TRAM2: variants seen among roughly 807,000 people sequenced by gnomAD.
TRAM2 encodes translocating chain-associated membrane protein 2.
A neutral mutation model predicts 51.0 loss-of-function variants in TRAM2; 12 were observed. The ratio of observed to expected loss-of-function variants is 0.24; its 90% CI spans 0.15 to 0.38. TRAM2 has a LOEUF of 0.38. TRAM2 is among the 10% of genes least tolerant of loss of function. The pLI, the probability that TRAM2 is intolerant of heterozygous loss-of-function variation, is 1.00. For synonymous variants in TRAM2, 175 were observed against 179.4 expected (o/e 0.98, Z 0.20); for missense variants, 361 against 462.0 (o/e 0.78, Z 2.00).
At chr6:52,524,144 G>A (rs916856791) in intron 2 of TRAM2, 5 of 152,224 alleles carry the variant, frequency 3.3e-5, no homozygotes, top group African/African-American at 1.2e-4. Context: ...GGTGCTGACT[G>A]GAAGGGGCAG....
At chr6:52,547,790 C>G (rs905596697) in intron 1 of TRAM2, among the ~76,000 whole-genome samples, 1 of 152,226 alleles carries the variant, frequency 6.6e-6, no homozygotes, top group African/African-American at 2.4e-5. Flanking sequence ...GCCTGTCAGC[C>G]TTTATTGCGT....
At chr6:52,523,705 G>A (rs1581876585) in intron 2 of TRAM2, 1 of 152,350 alleles carries the variant, frequency 6.6e-6, no homozygotes, top group South Asian at 2.1e-4. Flanking sequence ...TCTACTTCTG[G>A]AAATTTATCC....
chr6:52,523,620 G>A (rs920567538), intron 2 of TRAM2: 9 of 152,156 alleles, frequency 5.9e-5, no homozygotes, highest in South Asian at 2.1e-4. Flanking sequence ...AATGTAAAAC[G>A]GTACCACCTC....
chr6:52,561,776 A>T (rs1767506309), intron 1 of TRAM2, among the ~76,000 whole-genome samples: 1 of 151,788 alleles, frequency 6.6e-6, no homozygotes, highest in African/African-American at 2.4e-5. Flanking sequence ...GGCGTGTGCC[A>T]CCACGCCTGG....
intron 10 of TRAM2, among the ~76,000 whole-genome samples, chr6:52,503,960 C>T (rs9474233): frequency 0.021 from 3,173 of 152,246 alleles, 104 homozygotes; most frequent in African/African-American, 0.071. Flanking sequence ...CAGGTGGCCA[C>T]CTAGAGAAAA....
At chr6:52,542,597 A>T (rs532279963) in intron 1 of TRAM2, among the ~76,000 whole-genome samples, 4 of 152,214 alleles carry the variant, frequency 2.6e-5, no homozygotes, top group Non-Finnish European at 5.9e-5. Context: ...CTGCCTTGAT[A>T]CAAAAATCAG....
rs537354768 is a variant in TRAM2 at position 52,497,463 on chromosome 6, T to C, written c.*5734A>G. 6.5e-6 allele frequency: 1 copy of C among 152,756 alleles called. No homozygotes were observed. Among genetic ancestry groups the C allele is most frequent in the Admixed American group, 6.5e-5 (1 of 15,300 alleles). 9.5% of individuals were successfully genotyped at this position (152,756 alleles called of 1,614,324 possible). A position where few individuals can be genotyped will look rare whatever the true frequency, so the allele number is the denominator to read the frequency against. On this transcript the variant is annotated 3_prime_UTR_variant, in exon 11 of 11. Coordinates refer to ENST00000182527, the MANE Select transcript of TRAM2 (RefSeq NM_012288.4). Reference sequence around the variant, plus strand: ...AAATATTTGATCATTTGTTCCAAAATGTACATTTAAAAAATCCATACAAAA... The same window carrying C: ...AAATATTTGATCATTTGTTCCAAAACGTACATTTAAAAAATCCATACAAAA...
intron 2 of TRAM2, among the ~76,000 whole-genome samples, chr6:52,521,641 G>A (rs1225263328): frequency 1.3e-5 from 2 of 151,790 alleles, no homozygotes; most frequent in Non-Finnish European, 1.5e-5. Context: ...AGCTTGCAGT[G>A]AGCCGAGATT....
rs1315837115 is a variant in TRAM2 at position 52,503,168 on chromosome 6, A to G, written c.*29T>C. The G allele has an allele frequency of 6.2e-7, 1 of 1,602,036 alleles. No homozygotes were observed. The highest frequency in any genetic ancestry group is 2.2e-5 in the East Asian group (1 of 44,764). ...CTTGCCCCCTGCTCGGCCCCCACCAAGAGGATTCCTGTTCTTAGCACTTTG... is the reference window on the plus strand; with the variant it reads ...CTTGCCCCCTGCTCGGCCCCCACCAGGAGGATTCCTGTTCTTAGCACTTTG... On this transcript the variant is annotated 3_prime_UTR_variant, in exon 11 of 11. Transcript: ENST00000182527.
intron 1 of TRAM2, among the ~76,000 whole-genome samples, chr6:52,550,066 CA>C (rs1479490414): frequency 2.0e-5 from 3 of 152,150 alleles, no homozygotes; most frequent in African/African-American, 7.2e-5. Context: ...CCCTGTGTCC[CA>C]GAACAGACAG....
chr6:52,537,105 A>G (rs1766987910), intron 1 of TRAM2, among the ~76,000 whole-genome samples: 1 of 152,184 alleles, frequency 6.6e-6, no homozygotes, highest in African/African-American at 2.4e-5. Flanking sequence ...CCTGGTCAAC[A>G]AGACCCATCC....
At chr6:52,575,040 GCAAA>G (rs1398791281) in intron 1 of TRAM2, among the ~76,000 whole-genome samples, 1 of 152,208 alleles carries the variant, frequency 6.6e-6, no homozygotes, top group African/African-American at 2.4e-5. Context: ...ATGGAGGACA[GCAAA>G]CAGACAGCAG....
chr6:52,527,881 G>A (rs1766813446), intron 2 of TRAM2, among the ~76,000 whole-genome samples: 2 of 152,036 alleles, frequency 1.3e-5, no homozygotes, highest in South Asian at 4.2e-4. Flanking sequence ...TTTAGTTATT[G>A]GAAAAAAAAA....
At chr6:52,536,828 C>G (rs1766983723) in intron 1 of TRAM2, among the ~76,000 whole-genome samples, 1 of 152,170 alleles carries the variant, frequency 6.6e-6, no homozygotes, top group African/African-American at 2.4e-5. Context: ...GAGGAGGCAG[C>G]CCAGGACCAG....
rs768675125 is a variant in TRAM2, at chr6:52,509,546, T to C, written c.452A>G (p.Tyr151Cys). ...TACTCACGGGAGGTGCACATGCGGG[T>C]AGTCTTCCCAGAGGCTTCTTGGGTT... ...LTNPRSLWEDYPHVHLPFQVK... is the reference protein window; with the variant it reads ...LTNPRSLWEDCPHVHLPFQVK... Residue 151 changes from tyrosine (Y) to cysteine (C), a missense_variant, in exon 5 of 11, where the codon TAC becomes TGC. Tyr to Cys is a radical substitution (Grantham distance 194). Coordinates refer to ENST00000182527, the MANE Select transcript of TRAM2 (RefSeq NM_012288.4). 1 of 1,613,858 alleles carries C rather than the reference T, an allele frequency of 6.2e-7. No homozygotes were observed. Among genetic ancestry groups the C allele is most frequent in the Non-Finnish European group, 8.5e-7 (1 of 1,179,928 alleles).
rs1453970884 is a variant in TRAM2 at position 52,501,252 on chromosome 6, T to C, written c.*1945A>G. 27 of 152,156 alleles carry C rather than the reference T, an allele frequency of 1.8e-4. No individual in the cohort carries two copies. 9.4% of individuals were successfully genotyped at this position (152,156 alleles called of 1,614,324 possible). A position where few individuals can be genotyped will look rare whatever the true frequency, so the allele number is the denominator to read the frequency against. ...AAGGGTAATCAAAAGCAACCACGGG[T>C]AGCTCTTCCCATTTCTGCAACCTTA... On this transcript the variant is annotated 3_prime_UTR_variant, in exon 11 of 11. Transcript: ENST00000182527.
Position 52,506,053 on chromosome 6 carries a change from G to C in TRAM2, c.710C>G (p.Ala237Gly), listed in dbSNP as rs1315770162. The change falls in exon 8 of 11, where the codon GCA (alanine) becomes GGA (glycine). Residue 237 changes from alanine (A) to glycine (G), a missense_variant. Ala to Gly is a moderately conservative substitution (Grantham distance 60). Coordinates refer to ENST00000182527, the MANE Select transcript of TRAM2 (RefSeq NM_012288.4). ...LFHTARLFYF[A>G]DENNEKLFSA... is the part of the protein sequence containing the mutation. ...TTACAGTTTCTCGTTGTTTTCATCT[G>C]CAAAGTAGAAGAGTCTAGCCGTGTG... is the stretch of plus-strand genomic sequence containing the variant. 1.9e-6 allele frequency: 3 copies of C among 1,614,198 alleles called. No individual in the cohort carries two copies. In the South Asian group the frequency reaches 3.3e-5, roughly 18 times the overall value.
At chr6:52,565,182 C>A (rs966051496) in intron 1 of TRAM2, among the ~76,000 whole-genome samples, 1 of 152,124 alleles carries the variant, frequency 6.6e-6, no homozygotes, top group African/African-American at 2.4e-5. Flanking sequence ...ATGTTCAGCT[C>A]TGTGTTTGAA....
At chr6:52,572,648 C>T (rs868276269) in intron 1 of TRAM2, among the ~76,000 whole-genome samples, 1 of 152,202 alleles carries the variant, frequency 6.6e-6, no homozygotes, top group South Asian at 2.1e-4. Context: ...CATTTGCACA[C>T]GTCTTTCTAT....
Sources: allele counts gnomAD v4.1 joint callset (sites outside exome capture counted in the v4.1 genomes callset), GRCh38; gene constraint gnomAD v4.1.1; transcripts MANE v1.5; gene names NCBI Gene and HGNC (gene_info 2026-07-23, HGNC 2026-07-21).